TCF4: variants seen among roughly 807,000 people sequenced by gnomAD.
TCF4 encodes transcription factor 4, also known as SL3-3 enhancer factor 2.
Under a neutral mutation model 82.1 loss-of-function variants are expected in TCF4, and 3 were observed. The observed-to-expected ratio is 0.04, with a 90% CI of 0.02 to 0.09. The LOEUF is 0.09. Ranked by LOEUF, TCF4 falls within the 10% of genes least tolerant of loss-of-function variation. TCF4 has a pLI of 1.00. For synonymous variants in TCF4, 276 were observed against 309.6 expected (o/e 0.89, Z 1.14); for missense variants, 518 against 852.7 (o/e 0.61, Z 4.89).
chr18:55,586,915 A>AT, intron 2 of TCF4, 130 bp downstream of exon 2: 1 of 788,798 alleles, frequency 1.3e-6, no homozygotes, highest in Admixed American at 2.1e-5. Flanking sequence ...AGACCTTCAT[A>AT]TTTACCAAGG....
intron 2 of TCF4, among the ~76,000 whole-genome samples, chr18:55,625,663 T>C (rs1333886765): frequency 6.6e-6 from 1 of 152,232 alleles, no homozygotes; most frequent in East Asian, 1.9e-4. Context: ...TCCCAAAGAA[T>C]GTATTTTCTG....
chr18:55,407,645 C>CAT (rs1392202121), intron 5 of TCF4, among the ~76,000 whole-genome samples: 1 of 99,988 alleles, frequency 1.0e-5, no homozygotes, highest in East Asian at 3.8e-4. Flanking sequence ...AAGCAACTTC[C>CAT]ATATAAAAAA....
chr18:55,292,485 T>C (rs1487864250), intron 8 of TCF4, among the ~76,000 whole-genome samples: 2 of 152,188 alleles, frequency 1.3e-5, no homozygotes, highest in African/African-American at 4.8e-5. Context: ...AGGCTCAGGA[T>C]TATTTCTGTC....
intron 1 of TCF4, among the ~76,000 whole-genome samples, chr18:55,632,658 T>C (rs2097732718): frequency 6.6e-6 from 1 of 152,188 alleles, no homozygotes; most frequent in Non-Finnish European, 1.5e-5. Context: ...CCAGAGACAA[T>C]GAAAGAGCAT....
chr18:55,324,128 G>A (rs902258223), intron 8 of TCF4, among the ~76,000 whole-genome samples: 5 of 152,090 alleles, frequency 3.3e-5, no homozygotes, highest in Admixed American at 2.6e-4. Context: ...TGACAATTCA[G>A]CACATAAGAC....
chr18:55,564,283 T>C lies in TCF4; in HGVS notation c.145+20997A>G, dbSNP rs550993799. On this transcript the variant is annotated intron_variant, in intron 3 of 19. Coordinates refer to ENST00000354452, the MANE Select transcript of TCF4 (RefSeq NM_001083962.2). The stretch of plus-strand genomic sequence containing the variant: ...AGGTTGTAGAGGTACCTCAAGTCCA[T>C]ATTAAGGAGAACAGAAGTTATTCTA... Among the ~76,000 whole-genome samples the C allele has an allele frequency of 5.3e-5, 8 of 152,264 alleles. No homozygotes were observed. The East Asian group carries it at 1.5e-3, about 29-fold the overall frequency.
intron 3 of TCF4, among the ~76,000 whole-genome samples, chr18:55,516,543 G>A (rs921476916): frequency 1.3e-5 from 2 of 152,052 alleles, no homozygotes; most frequent in Non-Finnish European, 2.9e-5. Flanking sequence ...AGAGTGATCC[G>A]GAGGCCTGGA....
chr18:55,308,836 T>C (rs2071247265), intron 8 of TCF4, among the ~76,000 whole-genome samples: 1 of 152,192 alleles, frequency 6.6e-6, no homozygotes, highest in Non-Finnish European at 1.5e-5. Context: ...AAATATCCTA[T>C]TGGAATATAT....
chr18:55,473,856 TCTC>T (rs947595359), intron 3 of TCF4, among the ~76,000 whole-genome samples: 3 of 152,162 alleles, frequency 2.0e-5, no homozygotes, highest in African/African-American at 7.2e-5. Context: ...GCCCTTTACT[TCTC>T]ATTAAAGCAA....
chr18:55,324,516 G>A (rs1266585250), intron 8 of TCF4, among the ~76,000 whole-genome samples: 1 of 152,178 alleles, frequency 6.6e-6, no homozygotes, highest in Non-Finnish European at 1.5e-5. Context: ...ATAAATCCAT[G>A]TGTTTCAGAA....
intron 3 of TCF4, among the ~76,000 whole-genome samples, chr18:55,465,169 T>C (rs144868649): frequency 1.1e-3 from 172 of 152,318 alleles, no homozygotes; most frequent in African/African-American, 2.5e-3. Context: ...GAGGAGGAAG[T>C]GTGAAACTAA....
intron 8 of TCF4, among the ~76,000 whole-genome samples, chr18:55,305,092 C>G (rs142723313): frequency 1.3e-5 from 2 of 152,212 alleles, no homozygotes; most frequent in Non-Finnish European, 2.9e-5. Context: ...TCTGCTAAAG[C>G]TACTCTTATT....
chr18:55,259,149 C>T (rs1451643718), intron 13 of TCF4, among the ~76,000 whole-genome samples: 1 of 152,100 alleles, frequency 6.6e-6, no homozygotes, highest in Non-Finnish European at 1.5e-5. Context: ...GCAAGTAACT[C>T]CACTATAAAT....
chr18:55,451,666 T>C (rs891702129), intron 5 of TCF4, among the ~76,000 whole-genome samples: 1 of 152,198 alleles, frequency 6.6e-6, no homozygotes, highest in South Asian at 2.1e-4. Context: ...TCCCTAACTA[T>C]ACTGATGTTA....
At chr18:55,426,543 C>G (rs1044761710) in intron 5 of TCF4, among the ~76,000 whole-genome samples, 1 of 152,154 alleles carries the variant, frequency 6.6e-6, no homozygotes, top group African/African-American at 2.4e-5. Context: ...TCATCCTTTG[C>G]TGCCCATAGG....
intron 5 of TCF4, among the ~76,000 whole-genome samples, chr18:55,411,240 G>A (rs1224075134): frequency 6.6e-6 from 1 of 152,088 alleles, no homozygotes; most frequent in Non-Finnish European, 1.5e-5. Context: ...GAAGGACTAA[G>A]GGCAACCCTG....
At chr18:55,434,605 T>C (rs2095285153) in intron 5 of TCF4, among the ~76,000 whole-genome samples, 1 of 151,454 alleles carries the variant, frequency 6.6e-6, no homozygotes, top group Non-Finnish European at 1.5e-5. Context: ...TTTTTTGTAT[T>C]TTTAGTAGAG....
intron 14 of TCF4, among the ~76,000 whole-genome samples, chr18:55,256,685 C>CT (rs1253687011): frequency 6.6e-6 from 1 of 152,132 alleles, no homozygotes; most frequent in African/African-American, 2.4e-5. Flanking sequence ...TTCCTTCCCG[C>CT]TAAATTCATG....
chr18:55,325,245 C>G lies in TCF4; in HGVS notation c.549+25114G>C, dbSNP rs567438158. On this transcript the variant is annotated intron_variant, in intron 8 of 19. Transcript: ENST00000354452. Reference sequence around the variant, plus strand: ...GGGTTAAGCTCCATTTGGGGACATGCACAGGGTTCACAGACATGTCAATTT... The same window carrying G: ...GGGTTAAGCTCCATTTGGGGACATGGACAGGGTTCACAGACATGTCAATTT... 2.6e-5 allele frequency among the ~76,000 whole-genome samples: 4 copies of G among 152,226 alleles called. No individual in the cohort carries two copies. In the East Asian group the frequency reaches 7.7e-4, roughly 29 times the overall value.
Sources: allele counts gnomAD v4.1 joint callset (sites outside exome capture counted in the v4.1 genomes callset), GRCh38; gene constraint gnomAD v4.1.1; transcripts MANE v1.5; gene names NCBI Gene and HGNC (gene_info 2026-07-23, HGNC 2026-07-21).